COL6A1: variants seen among roughly 807,000 people sequenced by gnomAD.
COL6A1 encodes collagen alpha-1(VI) chain.
In COL6A1, 80 loss-of-function variants were observed where a neutral mutation model predicts 145.6. The ratio of observed to expected loss-of-function variants is 0.55; its 90% CI spans 0.46 to 0.66. The LOEUF (loss-of-function observed/expected upper bound fraction) is 0.66, where lower values mean the gene tolerates loss of function less well. COL6A1 is among the 30% of genes least tolerant of loss of function. The pLI, the probability that COL6A1 is intolerant of heterozygous loss-of-function variation, is 0.00. For missense variants in COL6A1, 1,364 were observed against 1,473.8 expected (o/e 0.93, Z 1.22); for synonymous variants, 638 against 622.8 (o/e 1.02, Z -0.36).
chr21:46,000,027 CCGTGTGAGGATCATGGGGGGGGA>C (rs2077833836), intron 27 of COL6A1, among the ~76,000 whole-genome samples: 1 of 818 alleles, frequency 1.2e-3, no homozygotes, highest in South Asian at 0.024. Context: ...CATGGGGGAC[CCGTGTGAGGATCATGGGGGGGGA>C]CGTGTGAGGA....
intron 3 of COL6A1, among the ~76,000 whole-genome samples, chr21:45,984,709 CAGAGACAGAG>C (rs1569517737): frequency 2.1e-5 from 3 of 141,888 alleles, no homozygotes; most frequent in Non-Finnish European, 3.2e-5. Context: ...GAGATAGAGA[CAGAGACAGAG>C]AGAGACAGAG....
intron 3 of COL6A1, among the ~76,000 whole-genome samples, chr21:45,985,327 C>CAG (rs969673765): frequency 2.7e-5 from 4 of 149,786 alleles, no homozygotes; most frequent in East Asian, 2.0e-4. Flanking sequence ...GAGATAGAAG[C>CAG]AGAGAGAGAG....
chr21:45,984,961 CAGAAAG>C (rs2077730136), intron 3 of COL6A1, among the ~76,000 whole-genome samples: 1 of 144,118 alleles, frequency 6.9e-6, no homozygotes, highest in Non-Finnish European at 1.5e-5. Flanking sequence ...GGGACAGAGA[CAGAAAG>C]AGAGAGAGAC....
chr21:45,998,957 G>A lies in COL6A1; in HGVS notation c.1672G>A (p.Asp558Asn), dbSNP rs1372696070. 22 of 1,553,208 alleles carry A rather than the reference G, an allele frequency of 1.4e-5. No homozygotes were observed. The highest frequency in any genetic ancestry group is 5.4e-5 in the African/African-American group (4 of 73,500). ...DEGEAGDPGD[D>N]NNDIAPRGVK... is the part of the protein sequence containing the mutation. ...GGGAGAAGCCGGGGACCCCGGAGAC[G>A]ATGTAAGTGTGGATGGGAGGCAGGG... Residue 558 changes from aspartate (D) to asparagine (N), a missense_variant and splice_region_variant, in exon 25 of 35, where the codon GAT (aspartate) becomes AAT (asparagine). By Grantham distance (23) the Asp-to-Asn change is conservative. This residue lies in a region of COL6A1 where 938 missense variants were observed against 1,003.8 expected (regional missense o/e 0.93). Coordinates refer to ENST00000361866, the MANE Select transcript of COL6A1 (RefSeq NM_001848.3).
chr21:46,002,665 C>A lies in COL6A1; in HGVS notation c.2389C>A (p.Leu797Met). The change falls in exon 33 of 35, where the codon CTG becomes ATG. Residue 797 changes from leucine (L) to methionine (M), a missense_variant. Physicochemically the swap from Leu to Met is conservative, Grantham distance 15 (BLOSUM62 2). This residue lies in a region of COL6A1 where 938 missense variants were observed against 1,003.8 expected (regional missense o/e 0.93). Transcript: ENST00000361866. ...SLVKENYAEL[L>M]EDAFLKNVTA... is the part of the protein sequence containing the mutation. Reference sequence around the variant, plus strand: ...GGTCAAGGAGAACTATGCAGAGCTGCTGGAGGATGCCTTCCTGAAGAATGT... The same window carrying A: ...GGTCAAGGAGAACTATGCAGAGCTGATGGAGGATGCCTTCCTGAAGAATGT... 6.2e-7 allele frequency: 1 copy of A among 1,613,900 alleles called. No homozygotes were observed. Among genetic ancestry groups the A allele is most frequent in the Non-Finnish European group, 8.5e-7 (1 of 1,179,974 alleles).
In COL6A1 at chr21:46,004,286, A is replaced by T. The variant is rs529130894; in HGVS notation, c.*273A>T. On this transcript the variant is annotated 3_prime_UTR_variant, in exon 35 of 35. Coordinates refer to ENST00000361866, the MANE Select transcript of COL6A1 (RefSeq NM_001848.3). ...CAGGGCCCTCTGAGGCTCAGCCCTG[A>T]GCTGGCGTCACCTGTGCAGGGCCCT... The T allele has an allele frequency of 4.2e-4, 228 of 541,360 alleles. 1 individual carries two copies. Among genetic ancestry groups the T allele is most frequent in the African/African-American group, 4.1e-3 (215 of 52,674 alleles). 33.5% of individuals were successfully genotyped at this position (541,360 alleles called of 1,614,324 possible). A position where few individuals can be genotyped will look rare whatever the true frequency, so the allele number is the denominator to read the frequency against.
At chr21:45,997,375 C>T in intron 20 of COL6A1, 46 bp from the exon 21 acceptor site, 1 of 1,579,554 alleles carries the variant, frequency 6.3e-7, no homozygotes. Flanking sequence ...AGGGCTCAGG[C>T]TGGGTGAGGC....
chr21:45,991,339 G>A (rs991821401), intron 15 of COL6A1, among the ~76,000 whole-genome samples: 30 of 152,332 alleles, frequency 2.0e-4, no homozygotes, highest in South Asian at 2.1e-4. Context: ...GGACCCCACC[G>A]CGTCACTCCT....
Position 46,004,539 on chromosome 21 carries a change from C to G in COL6A1, c.*526C>G, listed in dbSNP as rs866939049. On this transcript the variant is annotated 3_prime_UTR_variant, in exon 35 of 35. Transcript: ENST00000361866. Reference sequence around the variant, plus strand: ...CCCACCAATCCTCACCTAACAGTTACTTTACAATTAAACTCAAAGCAAGCT... The same window carrying G: ...CCCACCAATCCTCACCTAACAGTTAGTTTACAATTAAACTCAAAGCAAGCT... The G allele has an allele frequency of 3.1e-6, 1 of 318,178 alleles. No individual in the cohort carries two copies. The highest frequency in any genetic ancestry group is 6.6e-6 in the Non-Finnish European group (1 of 152,592). 19.7% of individuals were successfully genotyped at this position (318,178 alleles called of 1,614,324 possible). A position where few individuals can be genotyped will look rare whatever the true frequency, so the allele number is the denominator to read the frequency against.
chr21:45,989,705 C>T (rs775298188), intron 10 of COL6A1, 47 bp from the exon 11 acceptor site: 5 of 1,613,102 alleles, frequency 3.1e-6, no homozygotes, highest in South Asian at 1.1e-5. Flanking sequence ...CAGCCTTGCA[C>T]AGCACTAACA....
rs1417174477 is a variant in COL6A1, at chr21:46,002,312, A to C, written c.2161A>C (p.Asn721His). The C allele has an allele frequency of 6.3e-7, 1 of 1,593,706 alleles. No homozygotes were observed. Among genetic ancestry groups the C allele is most frequent in the Admixed American group, 1.8e-5 (1 of 56,840 alleles). ...RDQLLPPSPN[N>H]RIALVITDGR... ...CCAGCTGCTGCCGCCCAGCCCGAACAACCGCATCGCCCTGGTCATCACTGA... is the reference window on the plus strand; with the variant it reads ...CCAGCTGCTGCCGCCCAGCCCGAACCACCGCATCGCCCTGGTCATCACTGA... The change falls in exon 32 of 35, where the codon AAC (asparagine) becomes CAC (histidine). Residue 721 changes from asparagine to histidine, a missense_variant. Asn to His is a moderately conservative substitution (Grantham distance 68). This residue lies in a region of COL6A1 where 938 missense variants were observed against 1,003.8 expected (regional missense o/e 0.93). Transcript: ENST00000361866.
At chr21:45,985,543 C>T (rs1298165571) in intron 3 of COL6A1, among the ~76,000 whole-genome samples, 3 of 152,214 alleles carry the variant, frequency 2.0e-5, no homozygotes, top group African/African-American at 7.2e-5. Context: ...CATGCGCTTT[C>T]TCGGGGTTTT....
intron 15 of COL6A1, among the ~76,000 whole-genome samples, chr21:45,991,430 G>A (rs1178891285): frequency 6.6e-6 from 1 of 152,026 alleles, no homozygotes; most frequent in Non-Finnish European, 1.5e-5. Flanking sequence ...TGGGCGGGAG[G>A]GTGGTGAGCG....
rs763249073 is a variant in COL6A1 at position 45,992,190 on chromosome 21, C to G, written c.1209C>G (p.Pro403=). 1 of 1,613,688 alleles carries G rather than the reference C, an allele frequency of 6.2e-7. No individual in the cohort carries two copies. Among genetic ancestry groups the G allele is most frequent in the Non-Finnish European group, 8.5e-7 (1 of 1,180,014 alleles). The change falls in exon 17 of 35, where the codon CCC becomes CCG. Residue 403 remains proline, a synonymous_variant. Transcript: ENST00000361866. ...GCCAGCCGGGAGAGCCTGGGCCCCC[C>G]GGAGAGAAAGGAGAGGCGGGCGACG... The part of the protein sequence containing the change: ...DEGQPGEPGP[P]GEKGEAGDEG...
chr21:45,992,015 G>C lies in COL6A1; in HGVS notation c.1125G>C (p.Glu375Asp), dbSNP rs773375525. ...GAFGLKGEKG[E>D]PGADGEAGRP... is the part of the protein sequence containing the mutation. ...ACTCCCCCGGTCTTCCCCAGGGCGA[G>C]CCTGGAGCTGACGGGGAGGCGGGGA... Residue 375 changes from glutamate (E) to aspartate (D), a missense_variant, in exon 16 of 35, where the codon GAG (glutamate) becomes GAC (aspartate). Physicochemically the swap from Glu to Asp is conservative, Grantham distance 45. Around this residue, in one of 3 missense-constraint regions of COL6A1, gnomAD observed 938 missense variants for 1,003.8 expected, o/e 0.93. Coordinates refer to ENST00000361866, the MANE Select transcript of COL6A1 (RefSeq NM_001848.3). 1 of 1,594,252 alleles carries C rather than the reference G, an allele frequency of 6.3e-7. No individual in the cohort carries two copies. Among genetic ancestry groups the C allele is most frequent in the South Asian group, 1.1e-5 (1 of 88,592 alleles).
Position 46,001,941 on chromosome 21 carries a change from C to A in COL6A1, c.1957-20C>A. 1 of 1,607,606 alleles carries A rather than the reference C, an allele frequency of 6.2e-7. No individual in the cohort carries two copies. ...ACCTGGGGCAGCACTCGCGTCCTGA[C>A]CCCGGTGCCGGTCCCACAGTTCGAG... On this transcript the variant is annotated intron_variant, in intron 30 of 34. Transcript: ENST00000361866.
intron 33 of COL6A1, 54 bp from the exon 34 acceptor site, chr21:46,003,066 C>T (rs373794375): frequency 1.5e-5 from 24 of 1,613,128 alleles, no homozygotes; most frequent in East Asian, 1.1e-4. Context: ...CATCTCCTTG[C>T]GGGGTTATAG....
In COL6A1 at chr21:45,987,193, C is replaced by A. The variant is rs766602951; in HGVS notation, c.738+18C>A. On this transcript the variant is annotated intron_variant, in intron 6 of 34. Transcript: ENST00000361866. Reference sequence around the variant, plus strand: ...AGCAAGTGGTAAGAGCCCTCCCCACCACCCCCAGCCGTGAGTCTGCACACG... The same window carrying A: ...AGCAAGTGGTAAGAGCCCTCCCCACAACCCCCAGCCGTGAGTCTGCACACG... 3 of 1,591,450 alleles carry A rather than the reference C, an allele frequency of 1.9e-6. No individual in the cohort carries two copies. The highest frequency in any genetic ancestry group is 2.6e-6 in the Non-Finnish European group (3 of 1,175,916).
At chr21:46,001,213 G>T (rs760304723) in intron 29 of COL6A1, 40 bp from the exon 30 acceptor site, 1 of 1,591,620 alleles carries the variant, frequency 6.3e-7, no homozygotes, top group Non-Finnish European at 8.5e-7. Flanking sequence ...GGGCACTGGA[G>T]GGGAGGGGCG....
Sources: gnomAD v4.1 joint callset for allele counts (sites outside exome capture counted in the v4.1 genomes callset) on GRCh38, gnomAD v4.1.1 for gene constraint, gnomAD v4.1.1 regional missense constraint, MANE v1.5 for transcripts, NCBI Gene and HGNC (gene_info 2026-07-23, HGNC 2026-07-21) for gene names.